AFG1L: variants seen among roughly 807,000 people sequenced by gnomAD.
AFG1L encodes the protein AFG1-like ATPase.
AFG1L carries 53 observed loss-of-function variants against 62.2 expected under a neutral mutation model. That is an observed-to-expected ratio of 0.85 (90% CI 0.68 to 1.07). The LOEUF (loss-of-function observed/expected upper bound fraction) is 1.07. Ranked by LOEUF, AFG1L falls within the 50% of genes least tolerant of loss-of-function variation. AFG1L has a pLI of 0.00. For missense variants in AFG1L, 555 were observed against 590.5 expected, an observed-to-expected ratio of 0.94 and a Z score of 0.62; for synonymous variants, 228 against 210.3, an observed-to-expected ratio of 1.08 and a Z score of -0.73.
intron 1 of AFG1L, among the ~76,000 whole-genome samples, chr6:108,302,167 G>A (rs2114819773): frequency 6.6e-6 from 1 of 152,166 alleles, no homozygotes. Context: ...GGCTGGTCTT[G>A]AACTCTTGCA....
intron 2 of AFG1L, among the ~76,000 whole-genome samples, chr6:108,332,434 TTAG>T (rs1778308694): frequency 6.6e-6 from 1 of 152,222 alleles, no homozygotes; most frequent in Admixed American, 6.5e-5. Flanking sequence ...ACATTGTGAA[TTAG>T]TAGGAAAAGG....
intron 10 of AFG1L, among the ~76,000 whole-genome samples, chr6:108,484,993 A>T (rs1773484929): frequency 6.6e-6 from 1 of 152,198 alleles, no homozygotes; most frequent in Non-Finnish European, 1.5e-5. Context: ...CTGGATTAGA[A>T]ATTTGAAAAC....
At chr6:108,439,736 C>A (rs1044465788) in intron 7 of AFG1L, among the ~76,000 whole-genome samples, 2 of 152,096 alleles carry the variant, frequency 1.3e-5, no homozygotes, top group African/African-American at 2.4e-5. Flanking sequence ...AAATATGGAG[C>A]AGCTTATGTA....
chr6:108,386,987 C>T (rs1238619892), intron 6 of AFG1L, among the ~76,000 whole-genome samples: 1 of 151,934 alleles, frequency 6.6e-6, no homozygotes, highest in Non-Finnish European at 1.5e-5. Flanking sequence ...AGAAGGAAAA[C>T]AAATAATAAA....
chr6:108,320,590 C>T (rs1366302324), intron 1 of AFG1L, among the ~76,000 whole-genome samples: 1 of 152,130 alleles, frequency 6.6e-6, no homozygotes, highest in Non-Finnish European at 1.5e-5. Context: ...CTATAGGGAA[C>T]ATCTCTAACC....
rs116470568 is a variant in AFG1L at position 108,329,692 on chromosome 6, C to T, written c.363+5644C>T. 4.5e-3 allele frequency among the ~76,000 whole-genome samples: 687 copies of T among 151,868 alleles called. 5 individuals are homozygous for T. The highest frequency in any genetic ancestry group is 0.014 in the African/African-American group (566 of 41,242). ...CTTTAGTTTTTAAAGAGTGTAAAGA[C>T]GACACAGACCTATTTTTTTTCTAAA... On this transcript the variant is annotated intron_variant, in intron 2 of 12. Transcript: ENST00000368977.
chr6:108,518,514 G>A (rs1025373106), intron 11 of AFG1L, among the ~76,000 whole-genome samples: 1 of 126,854 alleles, frequency 7.9e-6, no homozygotes. Flanking sequence ...GTGGGGGGAG[G>A]GGGGAGGGAT....
At chr6:108,325,538 G>C (rs1778008175) in intron 2 of AFG1L, among the ~76,000 whole-genome samples, 1 of 151,754 alleles carries the variant, frequency 6.6e-6, no homozygotes, top group South Asian at 2.1e-4. Context: ...CAGGCTAGAG[G>C]GCAGTGGTGT....
chr6:108,399,327 A>G (rs1438618325), intron 6 of AFG1L, among the ~76,000 whole-genome samples: 1 of 151,494 alleles, frequency 6.6e-6, no homozygotes, highest in Non-Finnish European at 1.5e-5. Flanking sequence ...AGCTGGGACA[A>G]CAGGTGCGTG....
At chr6:108,492,274 A>T (rs1295636919) in intron 10 of AFG1L, among the ~76,000 whole-genome samples, 1 of 152,146 alleles carries the variant, frequency 6.6e-6, no homozygotes, top group Non-Finnish European at 1.5e-5. Flanking sequence ...TTCTGGGTAG[A>T]TCTCAAAGCC....
At chr6:108,350,227 A>G (rs1394563476) in intron 3 of AFG1L, among the ~76,000 whole-genome samples, 1 of 151,854 alleles carries the variant, frequency 6.6e-6, no homozygotes, top group African/African-American at 2.4e-5. Flanking sequence ...AAGTAAATAA[A>G]ATAAAAATAA....
chr6:108,452,963 T>C (rs1772112354), intron 8 of AFG1L, among the ~76,000 whole-genome samples: 1 of 152,136 alleles, frequency 6.6e-6, no homozygotes, highest in South Asian at 2.1e-4. Flanking sequence ...CACACAACCT[T>C]GAGAAATGGT....
intron 6 of AFG1L, among the ~76,000 whole-genome samples, chr6:108,370,381 A>G (rs1175381981): frequency 6.6e-6 from 1 of 152,096 alleles, no homozygotes; most frequent in Non-Finnish European, 1.5e-5. Flanking sequence ...ATACCTTGGT[A>G]TAAGGGTATA....
intron 10 of AFG1L, among the ~76,000 whole-genome samples, chr6:108,508,047 T>C (rs1199853918): frequency 6.6e-6 from 1 of 152,240 alleles, no homozygotes; most frequent in Non-Finnish European, 1.5e-5. Flanking sequence ...CCAGGCACTG[T>C]GCTAAACACT....
In AFG1L at chr6:108,406,313, CTTT is replaced by C. The variant is rs59484751; in HGVS notation, c.807+4272_807+4274del. Among the ~76,000 whole-genome samples the C allele has an allele frequency of 2.8e-5, 4 of 141,148 alleles. No homozygotes were observed. In the South Asian group the frequency reaches 6.7e-4, roughly 24 times the overall value. 92.6% of individuals were successfully genotyped at this position (141,148 alleles called of 152,430 possible). ...ACACTTATCACTTATTTTCTTTTTCCTTTTTTTTTTTTTTTGATAATAACCATC... is the reference window on the plus strand; with the variant it reads ...ACACTTATCACTTATTTTCTTTTTCCTTTTTTTTTTTTGATAATAACCATC... On this transcript the variant is annotated intron_variant, in intron 7 of 12. Transcript: ENST00000368977.
intron 11 of AFG1L, among the ~76,000 whole-genome samples, chr6:108,514,889 A>G (rs150870206): frequency 0.028 from 4,291 of 152,336 alleles, 95 homozygotes; most frequent in Middle Eastern, 0.086. Context: ...CAAAGATCAA[A>G]AGAGACAAAG....
chr6:108,338,473 G>A lies in AFG1L; in HGVS notation c.364-8515G>A, dbSNP rs188703505. Among the ~76,000 whole-genome samples, 27 of 152,306 alleles carry A rather than the reference G, an allele frequency of 1.8e-4. No homozygotes were observed. In the East Asian group the frequency reaches 5.0e-3, roughly 28 times the overall value. On this transcript the variant is annotated intron_variant, in intron 2 of 12. Coordinates refer to ENST00000368977, the MANE Select transcript of AFG1L (RefSeq NM_145315.5). ...ATCAAAGACTCTGAGAAATTCTGCA[G>A]TAAACAAACTTTTTTTTGTTGTTTT...
At position 108,295,090 on chromosome 6, in the gene AFG1L, C is replaced by G; in HGVS notation, c.11C>G (p.Ser4Cys). MAA[S>C]WSLLVTLRPL... ...CGTACGGAGTTCAAGATGGCGGCCT[C>G]CTGGTCGCTCTTGGTTACCCTGCGC... Residue 4 changes from serine to cysteine, a missense_variant, in exon 1 of 13, where the codon TCC (serine) becomes TGC (cysteine). Transcript: ENST00000368977. 6.2e-7 allele frequency: 1 copy of G among 1,611,328 alleles called. No individual in the cohort carries two copies. Among genetic ancestry groups the G allele is most frequent in the Admixed American group, 1.7e-5 (1 of 60,012 alleles).
chr6:108,510,449 T>A, intron 11 of AFG1L, 97 bp downstream of exon 11: 1 of 861,002 alleles, frequency 1.2e-6, no homozygotes, highest in Non-Finnish European at 1.8e-6. Context: ...TTCTATCACT[T>A]ACTGCACCTC....
Sources: gnomAD v4.1 joint callset for allele counts (sites outside exome capture counted in the v4.1 genomes callset) on GRCh38, gnomAD v4.1.1 for gene constraint, MANE v1.5 for transcripts, NCBI Gene and HGNC (gene_info 2026-07-23, HGNC 2026-07-21) for gene names.